Variants in NEDD4 observed in about 807,000 individuals in gnomAD.
NEDD4 encodes the protein E3 ubiquitin-protein ligase NEDD4.
In NEDD4, 99 loss-of-function variants were observed where a neutral mutation model predicts 144.9. That is an observed-to-expected ratio of 0.68 (90% confidence interval 0.58 to 0.81). The LOEUF (loss-of-function observed/expected upper bound fraction) is 0.81, where lower values mean the gene tolerates loss of function less well. NEDD4 is among the 30% of genes least tolerant of loss of function. The pLI is 0.00. For synonymous variants in NEDD4, 318 were observed against 350.6 expected (o/e 0.91, Z 1.04); for missense variants, 985 against 1,065.9 (o/e 0.92, Z 1.06).
In NEDD4 at chr15:55,869,685, T is replaced by C; in HGVS notation, c.405-4A>G. The C allele has an allele frequency of 6.7e-7, 1 of 1,487,056 alleles. No individual in the cohort carries two copies. The highest frequency in any genetic ancestry group is 9.2e-7 in the Non-Finnish European group (1 of 1,090,676). The allele number at this position is 1,487,056 out of a possible 1,614,324, so 92.1% of individuals were successfully genotyped here. A position where few individuals can be genotyped will look rare whatever the true frequency, so the allele number is the denominator to read the frequency against. On this transcript the variant is annotated splice_region_variant and splice_polypyrimidine_tract_variant and intron_variant, in intron 7 of 28. Transcript: ENST00000435532. Reference sequence around the variant, plus strand: ...ACCTTTAACTCTTGATTTGTGACTGTAGAAAAGAAAATAAATATTCATAAA... The same window carrying C: ...ACCTTTAACTCTTGATTTGTGACTGCAGAAAAGAAAATAAATATTCATAAA...
chr15:55,895,963 A>G (rs1383805229), intron 5 of NEDD4, among the ~76,000 whole-genome samples: 1 of 152,232 alleles, frequency 6.6e-6, no homozygotes, highest in Non-Finnish European at 1.5e-5. Context: ...TCAATGGGGT[A>G]GGTTTTATAC....
chr15:55,891,736 A>T (rs1213763016), intron 5 of NEDD4, among the ~76,000 whole-genome samples: 1 of 152,188 alleles, frequency 6.6e-6, no homozygotes, highest in Non-Finnish European at 1.5e-5. Flanking sequence ...TCTTAAAACA[A>T]TTTTTAGAAC....
intron 5 of NEDD4, among the ~76,000 whole-genome samples, chr15:55,899,837 G>T (rs144858093): frequency 1.3e-5 from 2 of 152,312 alleles, no homozygotes; most frequent in African/African-American, 2.4e-5. Flanking sequence ...TAGTGCAAAT[G>T]AGGTTCTGAA....
chr15:55,970,168 ACT>A lies in NEDD4; in HGVS notation c.46-3624_46-3623del, dbSNP rs532978211. Among the ~76,000 whole-genome samples the A allele has an allele frequency of 5.1e-4, 77 of 152,184 alleles. No individual in the cohort carries two copies. In the South Asian group the frequency reaches 0.015, roughly 29 times the overall value. The stretch of plus-strand genomic sequence containing the variant: ...GGGGCAGTGGTGGCCATGGGCAGAG[ACT>A]CTGTCTGCTTGAGAAAATCAAAGGG... On this transcript the variant is annotated intron_variant, in intron 1 of 28. Transcript: ENST00000435532.
Position 55,869,649 on chromosome 15 carries a change from A to T in NEDD4, c.437T>A (p.Leu146Gln). ...GGTTTTAGGTAAATAAGTCATTTTTAGTCTCAGATAACCTTTAACTCTTGA... is the reference window on the plus strand; with the variant it reads ...GGTTTTAGGTAAATAAGTCATTTTTTGTCTCAGATAACCTTTAACTCTTGA... Reference protein sequence around the residue: ...HKSRVKGYLRLKMTYLPKTSG... With the variant: ...HKSRVKGYLRQKMTYLPKTSG... The change falls in exon 8 of 29, where the codon CTA becomes CAA. Residue 146 changes from leucine to glutamine, a missense_variant. Coordinates refer to ENST00000435532, the MANE Select transcript of NEDD4 (RefSeq NM_006154.4). The T allele has an allele frequency of 6.4e-7, 1 of 1,571,546 alleles. No homozygotes were observed. The highest frequency in any genetic ancestry group is 1.2e-5 in the South Asian group (1 of 85,802).
intron 12 of NEDD4, among the ~76,000 whole-genome samples, chr15:55,853,200 T>A (rs571082128): frequency 2.4e-4 from 36 of 152,264 alleles, no homozygotes; most frequent in African/African-American, 7.9e-4. Context: ...TTTAGTGAAA[T>A]AAACCACATT....
At chr15:55,872,564 C>A in intron 6 of NEDD4, 88 bp from the exon 7 acceptor site, 1 of 472,530 alleles carries the variant, frequency 2.1e-6, no homozygotes, top group Non-Finnish European at 3.5e-6. Context: ...TCACCTAAGG[C>A]ATAATTTAAG....
intron 5 of NEDD4, among the ~76,000 whole-genome samples, chr15:55,901,288 G>A (rs371173210): frequency 3.2e-4 from 49 of 152,154 alleles, no homozygotes; most frequent in Middle Eastern, 6.8e-3. Flanking sequence ...TTATGAAATC[G>A]TCTCCATAAG....
At chr15:55,948,484 C>T (rs1164355543) in intron 4 of NEDD4, among the ~76,000 whole-genome samples, 2 of 152,110 alleles carry the variant, frequency 1.3e-5, no homozygotes, top group African/African-American at 4.8e-5. Flanking sequence ...AAGAAAGAGC[C>T]CACATAGCCA....
intron 1 of NEDD4, among the ~76,000 whole-genome samples, chr15:55,971,227 T>C (rs2037602658): frequency 6.6e-6 from 1 of 152,152 alleles, no homozygotes; most frequent in African/African-American, 2.4e-5. Flanking sequence ...AGCTTGAAGA[T>C]AGGTTATTTG....
At chr15:55,948,477 A>G (rs544928391) in intron 4 of NEDD4, among the ~76,000 whole-genome samples, 6 of 152,362 alleles carry the variant, frequency 3.9e-5, no homozygotes, top group African/African-American at 9.6e-5. Context: ...TGGAGCCAAG[A>G]AAGAGCCCAC....
intron 5 of NEDD4, among the ~76,000 whole-genome samples, chr15:55,883,696 A>AACACACAC (rs3049242): frequency 8.9e-6 from 1 of 112,256 alleles, no homozygotes; most frequent in Admixed American, 8.6e-5. Context: ...CACACACACA[A>AACACACAC]ACACACACAC....
intron 1 of NEDD4, among the ~76,000 whole-genome samples, chr15:55,988,487 T>TAAAAAAAAAAAAAAAAAAAAAAAAA (rs56688563): frequency 4.0e-4 from 41 of 101,654 alleles, no homozygotes; most frequent in Non-Finnish European, 6.1e-4. Flanking sequence ...AAAAAAAAAT[T>TAAAAAAAAAAAAAAAAAAAAAAAAA]AAAAAAAAAA....
At chr15:55,938,071 C>T (rs1301353086) in intron 4 of NEDD4, among the ~76,000 whole-genome samples, 1 of 152,118 alleles carries the variant, frequency 6.6e-6, no homozygotes, top group East Asian at 1.9e-4. Context: ...GTCTCTTCAA[C>T]AAATGGTGGC....
chr15:55,853,394 T>G (rs1490233977), intron 12 of NEDD4, among the ~76,000 whole-genome samples: 1 of 152,222 alleles, frequency 6.6e-6, no homozygotes, highest in Non-Finnish European at 1.5e-5. Flanking sequence ...AGATAATTAC[T>G]AATACTGGCT....
chr15:55,853,413 T>A (rs1349184359), intron 12 of NEDD4, among the ~76,000 whole-genome samples: 2 of 152,200 alleles, frequency 1.3e-5, no homozygotes, highest in African/African-American at 4.8e-5. Flanking sequence ...CTCATTTTAC[T>A]GGTGAGTAAA....
chr15:55,832,604 C>T (rs1001104788), intron 27 of NEDD4, among the ~76,000 whole-genome samples: 3 of 152,008 alleles, frequency 2.0e-5, no homozygotes, highest in African/African-American at 2.4e-5. Flanking sequence ...TGGGTAGAGA[C>T]GGGGTTTCAC....
chr15:55,928,680 C>G (rs1174687742), intron 4 of NEDD4, among the ~76,000 whole-genome samples: 1 of 152,194 alleles, frequency 6.6e-6, no homozygotes. Flanking sequence ...AGCTCAAATG[C>G]CAACCTCTCC....
chr15:55,907,890 G>A lies in NEDD4; in HGVS notation c.291+16756C>T, dbSNP rs564008359. Among the ~76,000 whole-genome samples, 20 of 152,224 alleles carry A rather than the reference G, an allele frequency of 1.3e-4. No homozygotes were observed. The South Asian group carries it at 2.7e-3, about 21-fold the overall frequency. On this transcript the variant is annotated intron_variant, in intron 5 of 28. Coordinates refer to ENST00000435532, the MANE Select transcript of NEDD4 (RefSeq NM_006154.4). Reference sequence around the variant, plus strand: ...CCTCTATCCAGACACCCAGTTATACGGTACCAGTTAGTGGAATATGTAGGC... The same window carrying A: ...CCTCTATCCAGACACCCAGTTATACAGTACCAGTTAGTGGAATATGTAGGC...
Sources: gnomAD v4.1 joint callset for allele counts (sites outside exome capture counted in the v4.1 genomes callset) on GRCh38, gnomAD v4.1.1 for gene constraint, MANE v1.5 for transcripts, NCBI Gene and HGNC (gene_info 2026-07-23, HGNC 2026-07-21) for gene names.